USP47: variants seen among roughly 807,000 people sequenced by gnomAD.
USP47 encodes the protein ubiquitin carboxyl-terminal hydrolase 47.
A neutral mutation model predicts 165.1 loss-of-function variants in USP47; 35 were observed. The observed-to-expected ratio is 0.21, with a 90% confidence interval of 0.16 to 0.28. USP47 has a LOEUF of 0.28. USP47 is among the 10% of genes least tolerant of loss of function. The probability of loss-of-function intolerance (pLI) is 1.00; values close to 1 mark genes in which losing one functional copy is unlikely to be tolerated. For synonymous variants in USP47, 531 were observed against 544.5 expected (o/e 0.98, Z 0.35); for missense variants, 1,277 against 1,607.4 (o/e 0.79, Z 3.52).
Position 11,842,220 on chromosome 11 carries a change from A to C in USP47, c.35A>C (p.Lys12Thr). The change falls in exon 1 of 28, where the codon AAA (lysine) becomes ACA (threonine). Residue 12 changes from lysine (K) to threonine (T), a missense_variant. Transcript: ENST00000527733. ...GGCGAGGAGAACCAACTGGTCCCGA[A>C]AGAGGTGAGGGGCCCCAGAGGAGGT... ...VPGEENQLVP[K>T]EIENAAEEPR... 1 of 1,553,422 alleles carries C rather than the reference A, an allele frequency of 6.4e-7. No homozygotes were observed. The highest frequency in any genetic ancestry group is 8.7e-7 in the Non-Finnish European group (1 of 1,147,594).
rs150157785 is a variant in USP47 at position 11,871,662 on chromosome 11, G to T, written c.40-8515G>T. 8.7e-3 allele frequency among the ~76,000 whole-genome samples: 1,318 copies of T among 152,156 alleles called. 18 individuals are homozygous for T. Among genetic ancestry groups the T allele is most frequent in the South Asian group, 0.025 (122 of 4,810 alleles). ...AGAAATCAGCCAAACACTCTAGGGG[G>T]ATGCACTGTAGGTCCCTTGGAGCTT... On this transcript the variant is annotated intron_variant, in intron 1 of 27. Coordinates refer to ENST00000527733, the MANE Select transcript of USP47 (RefSeq NM_001282659.2).
chr11:11,958,251 T>A lies in USP47; in HGVS notation c.*2076T>A, dbSNP rs1847297863. ...GATACCCACTCTTTAGACTGTGCCTTCTGCTCTGTTCTTTGTTTTATGTTT... is the reference window on the plus strand; with the variant it reads ...GATACCCACTCTTTAGACTGTGCCTACTGCTCTGTTCTTTGTTTTATGTTT... On this transcript the variant is annotated 3_prime_UTR_variant, in exon 28 of 28. Transcript: ENST00000527733. 6.6e-6 allele frequency: 1 copy of A among 152,274 alleles called. No homozygotes were observed. Among genetic ancestry groups the A allele is most frequent in the Non-Finnish European group, 1.5e-5 (1 of 68,048 alleles). The allele number at this position is 152,274 out of a possible 1,614,324, so 9.4% of individuals were successfully genotyped here.
In USP47 at chr11:11,920,505, G is replaced by A; in HGVS notation, c.1218+11G>A. 1 of 1,591,030 alleles carries A rather than the reference G, an allele frequency of 6.3e-7. No homozygotes were observed. The highest frequency in any genetic ancestry group is 8.5e-7 in the Non-Finnish European group (1 of 1,171,504). The stretch of plus-strand genomic sequence containing the variant: ...GATGTTGAAGATGAGGTAAATATTT[G>A]TTATTTTAAAGTATTTTTCATTAAT... On this transcript the variant is annotated intron_variant, in intron 10 of 27. Coordinates refer to ENST00000527733, the MANE Select transcript of USP47 (RefSeq NM_001282659.2).
intron 1 of USP47, among the ~76,000 whole-genome samples, chr11:11,851,503 C>T (rs1017019481): frequency 3.9e-5 from 6 of 152,054 alleles, no homozygotes; most frequent in Non-Finnish European, 5.9e-5. Flanking sequence ...ACAAGAATTG[C>T]GGAAAGAGTA....
intron 1 of USP47, among the ~76,000 whole-genome samples, chr11:11,855,469 T>TA (rs1386839086): frequency 3.3e-5 from 5 of 152,190 alleles, no homozygotes; most frequent in Admixed American, 2.6e-4. Context: ...TTTCAAGTAT[T>TA]AGTGTAATAT....
At chr11:11,939,839 C>T (rs1335683523) in intron 18 of USP47, among the ~76,000 whole-genome samples, 2 of 151,882 alleles carry the variant, frequency 1.3e-5, no homozygotes, top group Admixed American at 6.6e-5. Flanking sequence ...AACTGATGAC[C>T]TTAGTTGCAT....
chr11:11,930,949 A>G (rs180799907), intron 14 of USP47, among the ~76,000 whole-genome samples, 198 bp downstream of exon 14: 2 of 152,338 alleles, frequency 1.3e-5, no homozygotes, highest in East Asian at 1.9e-4. Context: ...ATTATTTTTT[A>G]ATATATGAAG....
At chr11:11,853,267 A>G (rs1394440127) in intron 1 of USP47, among the ~76,000 whole-genome samples, 1 of 152,238 alleles carries the variant, frequency 6.6e-6, no homozygotes, top group Non-Finnish European at 1.5e-5. Flanking sequence ...TCCAAAAGAC[A>G]TCTACTTTTA....
At chr11:11,943,423 T>C (rs1327886354) in intron 20 of USP47, 1 of 173,656 alleles carries the variant, frequency 5.8e-6, no homozygotes, top group Non-Finnish European at 1.2e-5. Context: ...TTTTAAAAGC[T>C]GAGAAACTTT....
At chr11:11,954,517 G>A (rs1856438254) in intron 25 of USP47, among the ~76,000 whole-genome samples, 1 of 152,024 alleles carries the variant, frequency 6.6e-6, no homozygotes, top group Admixed American at 6.5e-5. Flanking sequence ...TTTGTAACTT[G>A]GAAAAACTGA....
intron 1 of USP47, among the ~76,000 whole-genome samples, chr11:11,866,563 G>T (rs1849693327): frequency 6.6e-6 from 1 of 152,126 alleles, no homozygotes; most frequent in Non-Finnish European, 1.5e-5. Flanking sequence ...TAGAAATCAG[G>T]CATGTTTCAC....
At chr11:11,889,104 G>A (rs1761155650) in intron 3 of USP47, among the ~76,000 whole-genome samples, 1 of 152,076 alleles carries the variant, frequency 6.6e-6, no homozygotes, top group South Asian at 2.1e-4. Context: ...AACCTGAATG[G>A]GCAAAAGCTG....
intron 8 of USP47, among the ~76,000 whole-genome samples, chr11:11,908,396 C>G (rs1351072718): frequency 6.6e-6 from 1 of 152,082 alleles, no homozygotes; most frequent in Admixed American, 6.5e-5. Flanking sequence ...GTCTCAGCCT[C>G]TCAAAGTGCT....
At position 11,923,045 on chromosome 11, in the gene USP47, T is replaced by C. The variant is rs11022085; in HGVS notation, c.1386+154T>C. Among the ~76,000 whole-genome samples the C allele has an allele frequency of 6.3e-4, 11 of 17,436 alleles. No homozygotes were observed. In the East Asian group the frequency reaches 0.031, roughly 49 times the overall value. The allele number at this position is 17,436 out of a possible 152,430, so 11.4% of individuals were successfully genotyped here. On this transcript the variant is annotated intron_variant, in intron 11 of 27. Transcript: ENST00000527733. ...CTCAAATATAGTTTTTTTGTACATA[T>C]ATATATATATATATATATATATATA...
intron 1 of USP47, chr11:11,873,777 C>G: frequency 7.6e-7 from 1 of 1,309,752 alleles, no homozygotes; most frequent in Admixed American, 3.0e-5. Context: ...ATTTGTAATT[C>G]ATTTTGTTCT....
At chr11:11,885,187 T>C (rs1851075886) in intron 3 of USP47, among the ~76,000 whole-genome samples, 1 of 152,196 alleles carries the variant, frequency 6.6e-6, no homozygotes, top group Non-Finnish European at 1.5e-5. Context: ...ATTTTTTTTT[T>C]TCTCTCAGTG....
chr11:11,926,016 C>G (rs1054728778), intron 11 of USP47, among the ~76,000 whole-genome samples: 3 of 151,946 alleles, frequency 2.0e-5, no homozygotes, highest in African/African-American at 7.3e-5. Context: ...TTTTTTCATT[C>G]TGTTAATGTA....
At chr11:11,948,350 G>A in intron 21 of USP47, 128 bp from the exon 22 acceptor site, 2 of 872,106 alleles carry the variant, frequency 2.3e-6, no homozygotes, top group Non-Finnish European at 3.5e-6. Context: ...GGGATTCAGA[G>A]GTAAAAGATA....
intron 8 of USP47, among the ~76,000 whole-genome samples, chr11:11,916,888 G>T (rs1853460609): frequency 6.6e-6 from 1 of 152,160 alleles, no homozygotes; most frequent in South Asian, 2.1e-4. Context: ...AGTGGCTCAT[G>T]CCTGTAATTC....
Sources: allele counts gnomAD v4.1 joint callset (sites outside exome capture counted in the v4.1 genomes callset), GRCh38; gene constraint gnomAD v4.1.1; transcripts MANE v1.5; gene names NCBI Gene and HGNC (gene_info 2026-07-23, HGNC 2026-07-21).